FBXO10: variants seen among roughly 807,000 people sequenced by gnomAD.
The protein encoded by FBXO10 is F-box only protein 10.
FBXO10 carries 39 observed loss-of-function variants against 80.7 expected under a neutral mutation model. The observed-to-expected ratio is 0.48, with a 90% CI of 0.37 to 0.63. The LOEUF is 0.63. Ranked by LOEUF, FBXO10 falls within the 30% of genes least tolerant of loss-of-function variation. The pLI, the probability that FBXO10 is intolerant of heterozygous loss-of-function variation, is 0.00. For synonymous variants in FBXO10, 449 were observed against 489.6 expected, an observed-to-expected ratio of 0.92 and a Z score of 1.09; for missense variants, 1,025 against 1,269.0, an observed-to-expected ratio of 0.81 and a Z score of 2.92.
At chr9:37,574,401 G>A (rs770887725) in intron 1 of FBXO10, among the ~76,000 whole-genome samples, 6 of 151,898 alleles carry the variant, frequency 4.0e-5, no homozygotes, top group Non-Finnish European at 7.4e-5. Context: ...CTACTTGTGC[G>A]ATCATAAAAA....
At chr9:37,522,428 C>G (rs932439278) in intron 7 of FBXO10, 26 of 1,033,406 alleles carry the variant, frequency 2.5e-5, no homozygotes, top group Middle Eastern at 4.8e-4. Context: ...AAAGTCACTG[C>G]GTGAGTGAGA....
At chr9:37,575,331 A>C (rs1256396228) in intron 1 of FBXO10, among the ~76,000 whole-genome samples, 1 of 152,166 alleles carries the variant, frequency 6.6e-6, no homozygotes. Flanking sequence ...ACAAACCAAA[A>C]CGGCAGTTTT....
chr9:37,553,796 T>A (rs890566002), intron 1 of FBXO10, among the ~76,000 whole-genome samples: 2 of 149,862 alleles, frequency 1.3e-5, no homozygotes, highest in African/African-American at 4.9e-5. Context: ...ATGCCTGTAA[T>A]CCCAGCTACT....
chr9:37,521,350 C>T (rs900454742), intron 8 of FBXO10, among the ~76,000 whole-genome samples: 7 of 152,222 alleles, frequency 4.6e-5, no homozygotes, highest in Admixed American at 4.6e-4. Flanking sequence ...CCCACACTGT[C>T]TGGGAAGTGA....
intron 5 of FBXO10, among the ~76,000 whole-genome samples, chr9:37,528,459 C>T (rs7027678): frequency 0.22 from 32,961 of 152,130 alleles, 5,759 homozygotes; most frequent in African/African-American, 0.49. Flanking sequence ...TCATGCTGTT[C>T]CATTACTAGG....
At chr9:37,573,021 C>T (rs1254980979) in intron 1 of FBXO10, among the ~76,000 whole-genome samples, 1 of 152,126 alleles carries the variant, frequency 6.6e-6, no homozygotes, top group Non-Finnish European at 1.5e-5. Flanking sequence ...ACCTGACGAC[C>T]CCTCTTTACA....
At chr9:37,527,067 T>C (rs908052375) in intron 5 of FBXO10, among the ~76,000 whole-genome samples, 7 of 152,078 alleles carry the variant, frequency 4.6e-5, no homozygotes, top group Admixed American at 2.0e-4. Context: ...GCCAGGCTGA[T>C]CTCGAACTCC....
Position 37,541,566 on chromosome 9 carries a change from G to C in FBXO10, c.203C>G (p.Pro68Arg). ...PNWPNQPDVE[P>R]ESWREAFKQH... ...CTTGAAGGCTTCTCTCCAAGACTCA[G>C]GCTCCACATCTGGCTGGTTGGGCCA... Residue 68 changes from proline to arginine, a missense_variant, in exon 2 of 11, where the codon CCT (proline) becomes CGT (arginine). This residue lies in a region of FBXO10 where 450 missense variants were observed against 499.4 expected (regional missense o/e 0.90). Transcript: ENST00000432825. 1 of 1,613,760 alleles carries C rather than the reference G, an allele frequency of 6.2e-7. No homozygotes were observed. The highest frequency in any genetic ancestry group is 8.5e-7 in the Non-Finnish European group (1 of 1,179,776).
intron 1 of FBXO10, among the ~76,000 whole-genome samples, chr9:37,568,998 C>T (rs913654335): frequency 6.6e-6 from 1 of 152,088 alleles, no homozygotes; most frequent in African/African-American, 2.4e-5. Flanking sequence ...TAAAATAAGG[C>T]AGACCTAAAC....
At chr9:37,564,566 G>A (rs1439334413) in intron 1 of FBXO10, among the ~76,000 whole-genome samples, 1 of 152,246 alleles carries the variant, frequency 6.6e-6, no homozygotes, top group African/African-American at 2.4e-5. Context: ...GCCCAAGGCT[G>A]GGAGCCCACC....
At chr9:37,559,669 G>A (rs939894684) in intron 1 of FBXO10, among the ~76,000 whole-genome samples, 2 of 152,166 alleles carry the variant, frequency 1.3e-5, no homozygotes, top group African/African-American at 4.8e-5. Flanking sequence ...CTAACCAATG[G>A]GTTTTGAGTA....
At position 37,525,105 on chromosome 9, in the gene FBXO10, T is replaced by C; in HGVS notation, c.1774A>G (p.Thr592Ala). ...AVNENGKGLITENVIRENQWG... is the reference protein window; with the variant it reads ...AVNENGKGLIAENVIRENQWG... ...GCCAGGCAGTTCCCATCCGTACCTGTGATGAGGCCTTTGCCGTTCTCATTC... is the reference window on the plus strand; with the variant it reads ...GCCAGGCAGTTCCCATCCGTACCTGCGATGAGGCCTTTGCCGTTCTCATTC... The change falls in exon 6 of 11, where the codon ACA becomes GCA. Residue 592 changes from threonine (T) to alanine (A), a missense_variant. By Grantham distance (58) the Thr-to-Ala change is moderately conservative. Coordinates refer to ENST00000432825, the MANE Select transcript of FBXO10 (RefSeq NM_012166.3). 6.4e-7 allele frequency: 1 copy of C among 1,560,228 alleles called. No individual in the cohort carries two copies. The highest frequency in any genetic ancestry group is 8.7e-7 in the Non-Finnish European group (1 of 1,152,112).
chr9:37,550,285 T>A (rs1332728447), intron 1 of FBXO10, among the ~76,000 whole-genome samples: 1 of 138,336 alleles, frequency 7.2e-6, no homozygotes, highest in Non-Finnish European at 1.5e-5. Flanking sequence ...CAGGTTCAAG[T>A]GATTGTTCCG....
intron 1 of FBXO10, among the ~76,000 whole-genome samples, chr9:37,559,825 A>G (rs958423198): frequency 2.0e-5 from 3 of 152,228 alleles, no homozygotes; most frequent in Admixed American, 2.0e-4. Flanking sequence ...GATTAGAGTA[A>G]GCAGAGATCC....
At chr9:37,525,283 A>G (rs1164354226) in intron 5 of FBXO10, 111 bp from the exon 6 acceptor site, 7 of 1,071,838 alleles carry the variant, frequency 6.5e-6, no homozygotes, top group Non-Finnish European at 9.5e-6. Context: ...AATACAAAAA[A>G]ATTAGCCGGG....
chr9:37,560,834 T>G (rs537590504), intron 1 of FBXO10, among the ~76,000 whole-genome samples: 3 of 152,088 alleles, frequency 2.0e-5, no homozygotes, highest in African/African-American at 7.2e-5. Context: ...AGTGGTTCCG[T>G]TTTTTGATTA....
In FBXO10 at chr9:37,537,212, G is replaced by A. The variant is rs200249505; in HGVS notation, c.1317C>T (p.Asp439=). The part of the protein sequence containing the change: ...GCLIRKCLFR[D]GKGGVFVCSH... The stretch of plus-strand genomic sequence containing the variant: ...AGCAGACGAAGACGCCTCCCTTCCC[G>A]TCCCGGAAGAGGCACTTGCGGATGA... Residue 439 remains aspartate (D), a synonymous_variant, in exon 3 of 11, where the codon GAC becomes GAT. Coordinates refer to ENST00000432825, the MANE Select transcript of FBXO10 (RefSeq NM_012166.3). 1.5e-5 allele frequency: 24 copies of A among 1,613,928 alleles called. 1 individual carries two copies. The highest frequency in any genetic ancestry group is 1.1e-4 in the South Asian group (10 of 91,084).
At position 37,523,481 on chromosome 9, in the gene FBXO10, A is replaced by G. The variant is rs1229260948; in HGVS notation, c.1778-504T>C. On this transcript the variant is annotated intron_variant, in intron 6 of 10. Transcript: ENST00000432825. The stretch of plus-strand genomic sequence containing the variant: ...GGTGGGAGGATCACTTGAACCCTGG[A>G]GGTCAGGGCTGCAGTGGGCTATAAT... 2.6e-5 allele frequency among the ~76,000 whole-genome samples: 4 copies of G among 151,880 alleles called. 1 individual carries two copies. The East Asian group carries it at 7.7e-4, about 29-fold the overall frequency.
In FBXO10 at chr9:37,521,729, A is replaced by G. The variant is rs760709331; in HGVS notation, c.2040T>C (p.Asp680=). The part of the protein sequence containing the change: ...LYGVAVFSQK[D]GSSELPRGHR... ...GGCCTCGAGGTAACTCGCTGGAGCC[A>G]TCCTTCTGGCTAAATACTGCCACTC... Residue 680 remains aspartate (D), a synonymous_variant, in exon 8 of 11, where the codon GAT becomes GAC. Transcript: ENST00000432825. 2 of 1,613,914 alleles carry G rather than the reference A, an allele frequency of 1.2e-6. No individual in the cohort carries two copies. Among genetic ancestry groups the G allele is most frequent in the Non-Finnish European group, 8.5e-7 (1 of 1,179,888 alleles).
Sources: allele counts gnomAD v4.1 joint callset (sites outside exome capture counted in the v4.1 genomes callset), GRCh38; gene constraint gnomAD v4.1.1; regional missense constraint gnomAD v4.1.1; transcripts MANE v1.5; gene names NCBI Gene and HGNC (gene_info 2026-07-23, HGNC 2026-07-21).